TRIP12: variants seen among roughly 807,000 people sequenced by gnomAD.
TRIP12 encodes the protein thyroid hormone receptor interactor 12.
TRIP12 carries 25 observed loss-of-function variants against 244.2 expected under a neutral mutation model. The ratio of observed to expected loss-of-function variants is 0.10; its 90% confidence interval spans 0.07 to 0.14. The LOEUF (loss-of-function observed/expected upper bound fraction) is 0.14. Ranked by LOEUF, TRIP12 falls within the 10% of genes least tolerant of loss-of-function variation. The pLI, the probability that TRIP12 is intolerant of heterozygous loss-of-function variation, is 1.00. For missense variants in TRIP12, 1,677 were observed against 2,486.4 expected (o/e 0.67, Z 6.92); for synonymous variants, 905 against 873.1 (o/e 1.04, Z -0.64).
At chr2:229,847,032 T>C (rs1472502890) in intron 4 of TRIP12, among the ~76,000 whole-genome samples, 1 of 152,258 alleles carries the variant, frequency 6.6e-6, no homozygotes, top group Non-Finnish European at 1.5e-5. Flanking sequence ...TTGGCACTTT[T>C]ACACAGCTGG....
intron 2 of TRIP12, among the ~76,000 whole-genome samples, chr2:229,862,945 C>T (rs1394482986): frequency 6.6e-6 from 1 of 152,194 alleles, no homozygotes; most frequent in East Asian, 1.9e-4. Flanking sequence ...TTCAGCAATG[C>T]CCAGCAGGGC....
At chr2:229,838,145 C>G (rs1455470999) in intron 5 of TRIP12, among the ~76,000 whole-genome samples, 1 of 152,166 alleles carries the variant, frequency 6.6e-6, no homozygotes. Context: ...TACCTGAGAG[C>G]ACTGGAAGAG....
Position 229,764,822 on chromosome 2 carries a change from C to G in TRIP12, c.*2732G>C, listed in dbSNP as rs572080907. On this transcript the variant is annotated 3_prime_UTR_variant, in exon 42 of 42. Transcript: ENST00000675903. ...TTCCATGTTATGCACCTAACTCAAA[C>G]CCAGTAAAGAGGGACTCCAAGCATA... The G allele has an allele frequency of 2.0e-5, 3 of 152,334 alleles. No homozygotes were observed. The highest frequency in any genetic ancestry group is 2.1e-4 in the South Asian group (1 of 4,830). The allele number at this position is 152,334 out of a possible 1,614,324, so 9.4% of individuals were successfully genotyped here.
chr2:229,920,788 G>A (rs1416533432), intron 1 of TRIP12, among the ~76,000 whole-genome samples: 1 of 152,088 alleles, frequency 6.6e-6, no homozygotes, highest in Non-Finnish European at 1.5e-5. Flanking sequence ...CTTATTCTGA[G>A]GAAGGGAGAG....
intron 1 of TRIP12, among the ~76,000 whole-genome samples, chr2:229,899,988 A>G (rs1316938468): frequency 1.3e-5 from 2 of 152,252 alleles, no homozygotes; most frequent in African/African-American, 4.8e-5. Context: ...AAGTTGTTAC[A>G]TACAAAAAGA....
At chr2:229,844,856 T>C (rs2057252218) in intron 4 of TRIP12, among the ~76,000 whole-genome samples, 1 of 152,220 alleles carries the variant, frequency 6.6e-6, no homozygotes, top group African/African-American at 2.4e-5. Flanking sequence ...ACAGAAACCC[T>C]TTTTCTGAGT....
chr2:229,870,467 G>A (rs954020351), intron 2 of TRIP12, among the ~76,000 whole-genome samples: 9 of 152,156 alleles, frequency 5.9e-5, no homozygotes, highest in Admixed American at 1.3e-4. Flanking sequence ...TGTAGTTCCC[G>A]GGGATCTCCA....
At chr2:229,911,625 T>G (rs1041117905) in intron 1 of TRIP12, among the ~76,000 whole-genome samples, 10 of 152,176 alleles carry the variant, frequency 6.6e-5, no homozygotes, top group Non-Finnish European at 5.9e-5. Flanking sequence ...TCTGTGATGA[T>G]GGTATGCTAA....
Position 229,793,085 on chromosome 2 carries a change from G to A in TRIP12, c.4029C>T (p.Cys1343=). ...LKFFNTHQLK[C]QLQRHPDCAN... ...CACAGTCTGGATGCCTTTGTAACTGGCATTTTAATTGATGTGTGTTGAAAA... is the reference window on the plus strand; with the variant it reads ...CACAGTCTGGATGCCTTTGTAACTGACATTTTAATTGATGTGTGTTGAAAA... The change falls in exon 27 of 42, where the codon TGC becomes TGT. Residue 1343 remains cysteine (C), a synonymous_variant. Coordinates refer to ENST00000675903, the MANE Select transcript of TRIP12 (RefSeq NM_001348323.3). 1 of 1,613,506 alleles carries A rather than the reference G, an allele frequency of 6.2e-7. No individual in the cohort carries two copies. The highest frequency in any genetic ancestry group is 8.5e-7 in the Non-Finnish European group (1 of 1,179,708).
chr2:229,774,070 C>T, intron 38 of TRIP12, 27 bp downstream of exon 38: 2 of 1,603,802 alleles, frequency 1.2e-6, no homozygotes, highest in East Asian at 2.2e-5. Context: ...CACAACTGGC[C>T]TACCCCCCAA....
chr2:229,866,240 AGCGATTATACTATTTTTTTG>A (rs1269407956), intron 2 of TRIP12, among the ~76,000 whole-genome samples: 1 of 152,186 alleles, frequency 6.6e-6, no homozygotes, highest in Non-Finnish European at 1.5e-5. Flanking sequence ...TGCAACGACA[AGCGATTATACTATTTTTTTG>A]GCAGCTTTAC....
At chr2:229,884,530 T>G (rs567926688) in intron 1 of TRIP12, among the ~76,000 whole-genome samples, 1 of 152,282 alleles carries the variant, frequency 6.6e-6, no homozygotes, top group East Asian at 1.9e-4. Flanking sequence ...GACCACTGCC[T>G]GTGCCTGGCC....
At chr2:229,897,507 G>T (rs1576851943) in intron 1 of TRIP12, among the ~76,000 whole-genome samples, 1 of 152,180 alleles carries the variant, frequency 6.6e-6, no homozygotes, top group Admixed American at 6.5e-5. Flanking sequence ...AATTAGCCAG[G>T]TGTGGTGGCA....
At chr2:229,822,668 T>G (rs1054637613) in intron 8 of TRIP12, among the ~76,000 whole-genome samples, 2 of 152,180 alleles carry the variant, frequency 1.3e-5, no homozygotes, top group Non-Finnish European at 2.9e-5. Flanking sequence ...ACAAAACGTC[T>G]GTCACATAAC....
At chr2:229,878,403 T>C (rs1238330746) in intron 2 of TRIP12, among the ~76,000 whole-genome samples, 1 of 145,722 alleles carries the variant, frequency 6.9e-6, no homozygotes, top group Non-Finnish European at 1.5e-5. Flanking sequence ...TGAGCCAAGA[T>C]CATGCCGCTG....
Position 229,793,005 on chromosome 2 carries a change from A to G in TRIP12, c.4109T>C (p.Val1370Ala). ...TACAAGGTATCTCTCGATGGCTTGT[A>G]CCAAAGCCAGAGGGTCAATCTTGAC... ...GPVKIDPLAL[V>A]QAIERYLVVR... Residue 1370 changes from valine to alanine, a missense_variant, in exon 27 of 42, where the codon GTA becomes GCA. By Grantham distance (64) the Val-to-Ala change is moderately conservative. Around this residue, in one of 11 missense-constraint regions of TRIP12, gnomAD observed 265 missense variants for 370.8 expected, o/e 0.71. Transcript: ENST00000675903. 9.9e-6 allele frequency: 16 copies of G among 1,613,970 alleles called. No individual in the cohort carries two copies. Among genetic ancestry groups the G allele is most frequent in the Non-Finnish European group, 1.4e-5 (16 of 1,179,906 alleles).
rs75409496 is a variant in TRIP12, at chr2:229,844,366, A to G, written c.1028-3439T>C. Among the ~76,000 whole-genome samples the G allele has an allele frequency of 9.0e-3, 1,372 of 152,348 alleles. 16 individuals carry two copies. The highest frequency in any genetic ancestry group is 0.031 in the African/African-American group (1,293 of 41,582). On this transcript the variant is annotated intron_variant, in intron 4 of 41. Transcript: ENST00000675903. Reference sequence around the variant, plus strand: ...TCACCAAAGGTAGGTCACTACCAATACTGGAATGGCTTTTACTCTTAGTTA... The same window carrying G: ...TCACCAAAGGTAGGTCACTACCAATGCTGGAATGGCTTTTACTCTTAGTTA...
chr2:229,848,332 C>T (rs997678269), intron 4 of TRIP12, among the ~76,000 whole-genome samples: 9 of 136,652 alleles, frequency 6.6e-5, no homozygotes, highest in Admixed American at 5.1e-4. Context: ...CCCCGCCCCC[C>T]CCACACACAC....
At chr2:229,862,277 T>C (rs143061328) in intron 2 of TRIP12, among the ~76,000 whole-genome samples, 12 of 152,340 alleles carry the variant, frequency 7.9e-5, no homozygotes, top group African/African-American at 2.4e-4. Context: ...TTTCTAAGAG[T>C]TGCTTTTGTT....
Sources: allele counts gnomAD v4.1 joint callset (sites outside exome capture counted in the v4.1 genomes callset), GRCh38; gene constraint gnomAD v4.1.1; regional missense constraint gnomAD v4.1.1; transcripts MANE v1.5; gene names NCBI Gene and HGNC (gene_info 2026-07-23, HGNC 2026-07-21).